ATF6: variants seen among roughly 807,000 people sequenced by gnomAD.
ATF6 encodes cyclic AMP-dependent transcription factor ATF-6 alpha.
Under a neutral mutation model 83.6 loss-of-function variants are expected in ATF6, and 53 were observed. The ratio of observed to expected loss-of-function variants is 0.63; its 90% confidence interval spans 0.51 to 0.80. The LOEUF (loss-of-function observed/expected upper bound fraction) is 0.80. Among genes scored for constraint, ATF6 ranks in the 30% least tolerant of loss-of-function variants. ATF6 has a pLI of 0.00. For missense variants in ATF6, 744 were observed against 797.9 expected (o/e 0.93, Z 0.81); for synonymous variants, 288 against 285.8 (o/e 1.01, Z -0.08).
At chr1:161,784,541 C>T (rs561371919) in intron 4 of ATF6, among the ~76,000 whole-genome samples, 27 of 152,224 alleles carry the variant, frequency 1.8e-4, no homozygotes, top group Admixed American at 5.2e-4. Context: ...AAGGGGCTCA[C>T]GTTTTTATAG....
chr1:161,828,255 A>G (rs747209912), intron 9 of ATF6, among the ~76,000 whole-genome samples: 1 of 152,214 alleles, frequency 6.6e-6, no homozygotes, highest in Non-Finnish European at 1.5e-5. Context: ...CTAAAGGTAC[A>G]GGAAACTCAT....
intron 10 of ATF6, among the ~76,000 whole-genome samples, chr1:161,849,292 A>C (rs1039006994): frequency 2.0e-5 from 3 of 152,202 alleles, no homozygotes; most frequent in Non-Finnish European, 2.9e-5. Flanking sequence ...TATTCCAAAC[A>C]ACTTAAACCT....
chr1:161,947,075 G>A (rs1688761339), intron 15 of ATF6, among the ~76,000 whole-genome samples: 1 of 152,190 alleles, frequency 6.6e-6, no homozygotes, highest in African/African-American at 2.4e-5. Context: ...TGATTTCCTT[G>A]TGTTAAAGAA....
intron 3 of ATF6, among the ~76,000 whole-genome samples, chr1:161,783,393 C>T (rs1320677486): frequency 6.6e-6 from 1 of 151,980 alleles, no homozygotes; most frequent in Non-Finnish European, 1.5e-5. Context: ...CCATCCCCAC[C>T]CTATTCTATC....
intron 15 of ATF6, among the ~76,000 whole-genome samples, chr1:161,951,811 G>C (rs900164996): frequency 6.6e-6 from 1 of 152,160 alleles, no homozygotes; most frequent in Non-Finnish European, 1.5e-5. Context: ...CTCATCTTCT[G>C]TAATTCCTCC....
intron 6 of ATF6, among the ~76,000 whole-genome samples, chr1:161,797,357 A>T (rs1685045993): frequency 6.6e-6 from 1 of 152,152 alleles, no homozygotes. Context: ...AAGGCATCCA[A>T]ATAGGAAGAG....
At chr1:161,947,952 G>A (rs953689361) in intron 15 of ATF6, among the ~76,000 whole-genome samples, 3 of 150,622 alleles carry the variant, frequency 2.0e-5, no homozygotes, top group African/African-American at 4.9e-5. Flanking sequence ...AGCCTCCCGA[G>A]TAGCTGGGAT....
intron 14 of ATF6, among the ~76,000 whole-genome samples, chr1:161,868,294 CAA>C (rs760100430): frequency 2.4e-4 from 37 of 152,084 alleles, no homozygotes; most frequent in Non-Finnish European, 5.0e-4. Flanking sequence ...TCATTTGTGA[CAA>C]GAGAAAAACC....
At chr1:161,894,702 A>ATTTTTTTTT (rs59848309) in intron 14 of ATF6, among the ~76,000 whole-genome samples, 34 of 109,112 alleles carry the variant, frequency 3.1e-4, no homozygotes, top group East Asian at 5.2e-4. Context: ...AGCCGGGCTA[A>ATTTTTTTTT]TTTTTTTTTT....
chr1:161,784,689 AT>A (rs1225124242), intron 4 of ATF6, among the ~76,000 whole-genome samples: 1 of 152,160 alleles, frequency 6.6e-6, no homozygotes, highest in East Asian at 1.9e-4. Flanking sequence ...ATCAAATAAT[AT>A]TTTAGTATAT....
At chr1:161,780,868 C>T (rs1318045662) in intron 2 of ATF6, among the ~76,000 whole-genome samples, 1 of 152,046 alleles carries the variant, frequency 6.6e-6, no homozygotes, top group African/African-American at 2.4e-5. Context: ...CGCCACTATG[C>T]CCAGCTAGTG....
At chr1:161,830,281 C>T (rs1262543572) in intron 9 of ATF6, among the ~76,000 whole-genome samples, 1 of 152,148 alleles carries the variant, frequency 6.6e-6, no homozygotes, top group Non-Finnish European at 1.5e-5. Context: ...CAAACCACTG[C>T]TCAATGAAAT....
chr1:161,830,583 C>G (rs1300358000), intron 9 of ATF6, among the ~76,000 whole-genome samples: 1 of 152,176 alleles, frequency 6.6e-6, no homozygotes. Flanking sequence ...CAGCATGGTA[C>G]TGGTACCAAA....
At position 161,807,863 on chromosome 1, in the gene ATF6, A is replaced by ATT. The variant is rs1557971141; in HGVS notation, c.909+5592_909+5593insTT. Among the ~76,000 whole-genome samples the ATT allele has an allele frequency of 1.7e-3, 91 of 54,796 alleles. 9 individuals carry two copies. Among genetic ancestry groups the ATT allele is most frequent in the African/African-American group, 7.2e-3 (88 of 12,236 alleles). 35.9% of individuals were successfully genotyped at this position (54,796 alleles called of 152,430 possible). The stretch of plus-strand genomic sequence containing the variant: ...TACTTTTTGTACTTTTTAGTTTGTC[A>ATT]TCTTTTTTTTTTTTTTTTTTTTTTT... On this transcript the variant is annotated intron_variant, in intron 7 of 15. Transcript: ENST00000367942.
At chr1:161,834,159 C>T (rs1472480296) in intron 9 of ATF6, among the ~76,000 whole-genome samples, 1 of 152,078 alleles carries the variant, frequency 6.6e-6, no homozygotes, top group East Asian at 1.9e-4. Context: ...CCAAACTAAG[C>T]TTCATAAGTG....
chr1:161,895,054 A>G (rs1327792958), intron 14 of ATF6, among the ~76,000 whole-genome samples: 1 of 152,018 alleles, frequency 6.6e-6, no homozygotes, highest in East Asian at 1.9e-4. Context: ...TGGCCAACAT[A>G]GTGAAACCCT....
At chr1:161,915,086 C>A (rs144279589) in intron 15 of ATF6, among the ~76,000 whole-genome samples, 41 of 152,250 alleles carry the variant, frequency 2.7e-4, no homozygotes, top group Middle Eastern at 3.4e-3. Context: ...TCTCTCCCCA[C>A]CCCCTCAGCT....
intron 6 of ATF6, among the ~76,000 whole-genome samples, chr1:161,799,908 C>T (rs1464617621): frequency 3.3e-5 from 5 of 152,130 alleles, no homozygotes; most frequent in Non-Finnish European, 7.4e-5. Context: ...CTGAGTTTTA[C>T]ATGGGTCAAC....
intron 1 of ATF6, among the ~76,000 whole-genome samples, chr1:161,776,156 C>T (rs1289524895): frequency 1.3e-5 from 2 of 152,292 alleles, no homozygotes; most frequent in South Asian, 4.1e-4. Context: ...AAGATTCATT[C>T]GTTCTGAAGA....
Sources: gnomAD v4.1 joint callset for allele counts (sites outside exome capture counted in the v4.1 genomes callset) on GRCh38, gnomAD v4.1.1 for gene constraint, MANE v1.5 for transcripts, NCBI Gene and HGNC (gene_info 2026-07-23, HGNC 2026-07-21) for gene names.